AGAP1: variants seen among roughly 807,000 people sequenced by gnomAD.
The protein encoded by AGAP1 is ArfGAP with GTPase domain, ankyrin repeat and PH domain 1, also known as arf-GAP with GTPase, ANK repeat and PH domain-containing protein 1.
AGAP1 carries 29 observed loss-of-function variants against 105.3 expected under a neutral mutation model. That is an observed-to-expected ratio of 0.28 (90% CI 0.21 to 0.38). The LOEUF (loss-of-function observed/expected upper bound fraction) is 0.38, where lower values mean the gene tolerates loss of function less well. AGAP1 is among the 10% of genes least tolerant of loss of function. The probability of loss-of-function intolerance (pLI) is 1.00; values close to 1 mark genes in which losing one functional copy is unlikely to be tolerated. For missense variants in AGAP1, 998 were observed against 1,165.1 expected, an observed-to-expected ratio of 0.86 and a Z score of 2.09; for synonymous variants, 509 against 485.9, an observed-to-expected ratio of 1.05 and a Z score of -0.63.
At chr2:236,118,380 T>C (rs1408442200) in intron 16 of AGAP1, among the ~76,000 whole-genome samples, 1 of 150,952 alleles carries the variant, frequency 6.6e-6, no homozygotes, top group Non-Finnish European at 1.5e-5. Context: ...TTCTTTCTTT[T>C]CTTTTTCTTT....
At position 235,977,606 on chromosome 2, in the gene AGAP1, G is replaced by A. The variant is rs2054915268; in HGVS notation, c.1645+8983G>A. ...TAGACACATGCGGCCTGGGCTTCAG[G>A]AAGTAGAGATGCCCGGGGGTTATAT... On this transcript the variant is annotated intron_variant, in intron 13 of 17. Transcript: ENST00000304032. The surrounding 1 kb of genome is among the most constrained non-coding windows in gnomAD (Gnocchi z 5.2). 6.6e-6 allele frequency among the ~76,000 whole-genome samples: 1 copy of A among 152,138 alleles called. No homozygotes were observed. The highest frequency in any genetic ancestry group is 6.5e-5 in the Admixed American group (1 of 15,280).
intron 13 of AGAP1, among the ~76,000 whole-genome samples, chr2:235,997,699 C>T (rs916602383): frequency 6.6e-6 from 1 of 152,174 alleles, no homozygotes; most frequent in Non-Finnish European, 1.5e-5. Context: ...CCAGCGCAGT[C>T]CGTCTCCAGA....
chr2:236,054,788 C>T lies in AGAP1; in HGVS notation c.2114+5507C>T, dbSNP rs144791928. Among the ~76,000 whole-genome samples the T allele has an allele frequency of 9.6e-3, 1,469 of 152,248 alleles. 11 individuals carry two copies. Among genetic ancestry groups the T allele is most frequent in the Non-Finnish European group, 0.015 (1,010 of 68,020 alleles). Reference sequence around the variant, plus strand: ...TACCCCCAGCTCCTGCCTTTGGAAGCGGAGGTTATCTTACCTAGTTAATTT... The same window carrying T: ...TACCCCCAGCTCCTGCCTTTGGAAGTGGAGGTTATCTTACCTAGTTAATTT... On this transcript the variant is annotated intron_variant, in intron 16 of 17. Transcript: ENST00000304032.
In AGAP1 at chr2:236,042,259, G is replaced by C. The variant is rs1380667463; in HGVS notation, c.1891+1418G>C. On this transcript the variant is annotated intron_variant, in intron 15 of 17. Transcript: ENST00000304032. This position sits in a 1 kb window ranked among gnomAD's most constrained non-coding sequence, Gnocchi z 5.6. The stretch of plus-strand genomic sequence containing the variant: ...AGCCCAGGACTGCTCCAGACAAAAG[G>C]GAAAGGAAGCGCCCCCTCCAAGAGT... Among the ~76,000 whole-genome samples the C allele has an allele frequency of 1.3e-5, 2 of 152,074 alleles. No individual in the cohort carries two copies. The highest frequency in any genetic ancestry group is 4.8e-5 in the African/African-American group (2 of 41,430).
Position 236,027,868 on chromosome 2 carries a change from G to A in AGAP1, c.1646-8693G>A, listed in dbSNP as rs1047749208. 7.2e-5 allele frequency among the ~76,000 whole-genome samples: 11 copies of A among 152,092 alleles called. No homozygotes were observed. Among genetic ancestry groups the A allele is most frequent in the African/African-American group, 1.7e-4 (7 of 41,400 alleles). On this transcript the variant is annotated intron_variant, in intron 13 of 17. Coordinates refer to ENST00000304032, the MANE Select transcript of AGAP1 (RefSeq NM_001037131.3). This position sits in a 1 kb window ranked among gnomAD's most constrained non-coding sequence, Gnocchi z 4.4. ...GGGCCTTTGTGCATGCTACATACAC[G>A]TCAGAGACAGACCATACCCAAGGAT... is the stretch of plus-strand genomic sequence containing the variant.
chr2:235,863,898 A>C (rs929592141), intron 9 of AGAP1, among the ~76,000 whole-genome samples: 2 of 152,212 alleles, frequency 1.3e-5, no homozygotes, highest in African/African-American at 4.8e-5. Flanking sequence ...AGGAATGGAA[A>C]AGAGAAACTA....
Position 235,740,435 on chromosome 2 carries a change from C to T in AGAP1, c.311-528C>T, listed in dbSNP as rs1158956608. On this transcript the variant is annotated intron_variant, in intron 3 of 17. Coordinates refer to ENST00000304032, the MANE Select transcript of AGAP1 (RefSeq NM_001037131.3). The surrounding 1 kb of genome is among the most constrained non-coding windows in gnomAD (Gnocchi z 5.7). ...GTCTAACCCATGTGTAGTAGTGAAGCGTCCCTCCCTAATTGTGGCCTGTGA... is the reference window on the plus strand; with the variant it reads ...GTCTAACCCATGTGTAGTAGTGAAGTGTCCCTCCCTAATTGTGGCCTGTGA... Among the ~76,000 whole-genome samples, 9 of 152,166 alleles carry T rather than the reference C, an allele frequency of 5.9e-5. No individual in the cohort carries two copies. The highest frequency in any genetic ancestry group is 1.2e-4 in the Non-Finnish European group (8 of 68,040).
At position 235,586,855 on chromosome 2, in the gene AGAP1, C is replaced by A. The variant is rs570097127; in HGVS notation, c.163+92006C>A. On this transcript the variant is annotated intron_variant, in intron 1 of 17. Transcript: ENST00000304032. This position sits in a 1 kb window ranked among gnomAD's most constrained non-coding sequence, Gnocchi z 4.2. ...CTGAGTGAGGGAGCTTTCTTGAGGA[C>A]GGGTTTTGTCGGAGTGTAGTTCATA... Among the ~76,000 whole-genome samples, 1 of 152,144 alleles carries A rather than the reference C, an allele frequency of 6.6e-6. No homozygotes were observed. The highest frequency in any genetic ancestry group is 1.5e-5 in the Non-Finnish European group (1 of 68,028).
At chr2:235,921,214 T>A (rs578169958) in intron 11 of AGAP1, among the ~76,000 whole-genome samples, 1 of 152,312 alleles carries the variant, frequency 6.6e-6, no homozygotes, top group South Asian at 2.1e-4. Context: ...AGAAAAATGG[T>A]GATATAAATT....
At chr2:235,597,779 C>T (rs1215763937) in intron 1 of AGAP1, among the ~76,000 whole-genome samples, 17 of 122,522 alleles carry the variant, frequency 1.4e-4, no homozygotes, top group African/African-American at 3.9e-4. Context: ...CGTGCACGCG[C>T]TCCCGTGTTT....
At chr2:235,974,353 A>G (rs564808872) in intron 13 of AGAP1, among the ~76,000 whole-genome samples, 10 of 152,356 alleles carry the variant, frequency 6.6e-5, no homozygotes, top group Admixed American at 1.3e-4. Context: ...ACTGACTTTT[A>G]TATGGCTCAT....
chr2:235,606,302 G>A (rs1373021635), intron 1 of AGAP1, among the ~76,000 whole-genome samples: 5 of 152,162 alleles, frequency 3.3e-5, no homozygotes, highest in African/African-American at 4.8e-5. Context: ...ACAGCAGACC[G>A]CTGAGAGCCG....
intron 1 of AGAP1, among the ~76,000 whole-genome samples, chr2:235,548,416 C>T (rs7560641): frequency 0.96 from 146,700 of 152,252 alleles, 70,743 homozygotes; most frequent in East Asian, 1. Flanking sequence ...TCCCAGCACT[C>T]TGGGAGGTGG....
intron 13 of AGAP1, among the ~76,000 whole-genome samples, chr2:236,022,220 C>T (rs186650459): frequency 3.3e-5 from 5 of 152,212 alleles, no homozygotes; most frequent in South Asian, 2.1e-4. Flanking sequence ...AGAACCTTCC[C>T]GTGGTAATAT....
chr2:235,548,166 A>G (rs1256099453), intron 1 of AGAP1, among the ~76,000 whole-genome samples: 3 of 152,210 alleles, frequency 2.0e-5, no homozygotes, highest in Non-Finnish European at 4.4e-5. Context: ...AGCTAAGTCA[A>G]GCACTCAGTG....
chr2:235,557,828 G>A lies in AGAP1; in HGVS notation c.163+62979G>A, dbSNP rs1282935399. Among the ~76,000 whole-genome samples, 1 of 152,210 alleles carries A rather than the reference G, an allele frequency of 6.6e-6. No individual in the cohort carries two copies. Among genetic ancestry groups the A allele is most frequent in the Non-Finnish European group, 1.5e-5 (1 of 68,042 alleles). ...CTTGGCTACATTTCGACAAGGGGAA[G>A]TTAGACACTTTAGATTCACAGTTAA... On this transcript the variant is annotated intron_variant, in intron 1 of 17. Coordinates refer to ENST00000304032, the MANE Select transcript of AGAP1 (RefSeq NM_001037131.3). This position sits in a 1 kb window ranked among gnomAD's most constrained non-coding sequence, Gnocchi z 4.7.
At chr2:235,859,531 T>C (rs1461157406) in intron 9 of AGAP1, among the ~76,000 whole-genome samples, 1 of 124,586 alleles carries the variant, frequency 8.0e-6, no homozygotes, top group Non-Finnish European at 1.6e-5. Flanking sequence ...TTTCTTATTT[T>C]TTCTGAGCAG....
chr2:235,666,792 T>C (rs1948141860), intron 1 of AGAP1, among the ~76,000 whole-genome samples: 1 of 151,992 alleles, frequency 6.6e-6, no homozygotes, highest in African/African-American at 2.4e-5. Context: ...TTGGGCTCTA[T>C]GAATGCTTCA....
intron 13 of AGAP1, among the ~76,000 whole-genome samples, chr2:236,026,695 C>T (rs1391079172): frequency 6.6e-6 from 1 of 152,116 alleles, no homozygotes. Context: ...TGCCATTGCA[C>T]TCCAGCCTGG....
Sources: gnomAD v4.1 joint callset for allele counts (sites outside exome capture counted in the v4.1 genomes callset) on GRCh38, gnomAD v4.1.1 for gene constraint, Gnocchi (gnomAD v3.1) non-coding constraint, MANE v1.5 for transcripts, NCBI Gene and HGNC (gene_info 2026-07-23, HGNC 2026-07-21) for gene names.